ARHGEF33: variants seen among roughly 807,000 people sequenced by gnomAD.
ARHGEF33 encodes Rho guanine nucleotide exchange factor 33.
A neutral mutation model predicts 101.9 loss-of-function variants in ARHGEF33; 72 were observed. The ratio of observed to expected loss-of-function variants is 0.71; its 90% CI spans 0.58 to 0.86. ARHGEF33 has a LOEUF of 0.86. Ranked by LOEUF, ARHGEF33 falls within the 40% of genes least tolerant of loss-of-function variation. ARHGEF33 has a pLI of 0.00. For synonymous variants in ARHGEF33, 499 were observed against 442.5 expected, an observed-to-expected ratio of 1.13 and a Z score of -1.60; for missense variants, 1,169 against 1,111.3, an observed-to-expected ratio of 1.05 and a Z score of -0.74.
chr2:38,913,782 AT>A (rs1471547391), intron 2 of ARHGEF33, among the ~76,000 whole-genome samples: 7 of 152,022 alleles, frequency 4.6e-5, no homozygotes, highest in Non-Finnish European at 7.4e-5. Flanking sequence ...AAAAAAAAAA[AT>A]AAAAAGAATA....
At chr2:38,959,227 A>T (rs1667850113) in intron 15 of ARHGEF33, 1 of 152,222 alleles carries the variant, frequency 6.6e-6, no homozygotes, top group African/African-American at 2.4e-5. Context: ...ATCGAGTGAC[A>T]GCTTTTACAT....
intron 13 of ARHGEF33, among the ~76,000 whole-genome samples, chr2:38,955,520 G>GC (rs1667718890): frequency 8.9e-6 from 1 of 112,724 alleles, no homozygotes; most frequent in Non-Finnish European, 1.7e-5. Flanking sequence ...TCAGGGTCTG[G>GC]CTCTGTTGCT....
chr2:38,955,481 CTTTTTTTTT>C (rs3085350), intron 13 of ARHGEF33, among the ~76,000 whole-genome samples: 11 of 71,186 alleles, frequency 1.5e-4, no homozygotes, highest in East Asian at 1.0e-3. Context: ...ATTGAAAAGA[CTTTTTTTTT>C]TTTTTTTTTT....
In ARHGEF33 at chr2:38,918,115, G is replaced by T. The variant is rs1666675277; in HGVS notation, c.-85-1248G>T. 2.6e-5 allele frequency among the ~76,000 whole-genome samples: 4 copies of T among 152,326 alleles called. No individual in the cohort carries two copies. The South Asian group carries it at 8.3e-4, about 32-fold the overall frequency. On this transcript the variant is annotated intron_variant, in intron 2 of 17. Coordinates refer to ENST00000409978, the MANE Select transcript of ARHGEF33 (RefSeq NM_001145451.5). Reference sequence around the variant, plus strand: ...GGACAGCTCATGGAATTGCTGGGAGGCTGGAGAATCGAGTTTGGGATTCTA... The same window carrying T: ...GGACAGCTCATGGAATTGCTGGGAGTCTGGAGAATCGAGTTTGGGATTCTA...
At chr2:38,950,506 A>G (rs1667571581) in intron 10 of ARHGEF33, among the ~76,000 whole-genome samples, 1 of 152,110 alleles carries the variant, frequency 6.6e-6, no homozygotes, top group African/African-American at 2.4e-5. Flanking sequence ...GGCTGGGGTG[A>G]AGTGGCGTGA....
Position 38,921,261 on chromosome 2 carries a change from T to A in ARHGEF33, c.26-113T>A, listed in dbSNP as rs1482689024. On this transcript the variant is annotated intron_variant, in intron 3 of 17. Coordinates refer to ENST00000409978, the MANE Select transcript of ARHGEF33 (RefSeq NM_001145451.5). The stretch of plus-strand genomic sequence containing the variant: ...TTCCCCTGGAATCATTGGTTTCTTG[T>A]CGTGCGGGCACAAATGTAGGATCCT... The A allele has an allele frequency of 1.0e-5, 7 of 687,330 alleles. No individual in the cohort carries two copies. In the Admixed American group the frequency reaches 1.2e-4, roughly 11 times the overall value. 42.6% of individuals were successfully genotyped at this position (687,330 alleles called of 1,614,324 possible).
chr2:38,973,734 G>T lies in ARHGEF33; in HGVS notation c.2504G>T (p.Arg835Met). 6.5e-7 allele frequency: 1 copy of T among 1,541,982 alleles called. No individual in the cohort carries two copies. Among genetic ancestry groups the T allele is most frequent in the Non-Finnish European group, 8.8e-7 (1 of 1,142,768 alleles). The part of the protein sequence containing the change: ...FKKKSSGSEY[R>M]EKTNENPSMD... Reference sequence around the variant, plus strand: ...TTTAGGTCCAGTGGATCAGAATACAGGGAAAAAACTAATGAGAATCCCTCA... The same window carrying T: ...TTTAGGTCCAGTGGATCAGAATACATGGAAAAAACTAATGAGAATCCCTCA... Residue 835 changes from arginine to methionine, a missense_variant, in exon 18 of 18, where the codon AGG (arginine) becomes ATG (methionine). Physicochemically the swap from Arg to Met is moderately conservative, Grantham distance 91. Transcript: ENST00000409978.
At position 38,954,110 on chromosome 2, in the gene ARHGEF33, G is replaced by A. The variant is rs558368451; in HGVS notation, c.1138-263G>A. Among the ~76,000 whole-genome samples, 6 of 152,312 alleles carry A rather than the reference G, an allele frequency of 3.9e-5. No homozygotes were observed. In the East Asian group the frequency reaches 5.8e-4, roughly 15 times the overall value. On this transcript the variant is annotated intron_variant, in intron 12 of 17. Transcript: ENST00000409978. ...AGTGCCCGCTTCTGTCTGGAACTGC[G>A]CTGAGTGGAAGGAGAGGGTAGTTTG...
rs192365234 is a variant in ARHGEF33, at chr2:38,934,653, G to A, written c.506-1122G>A. On this transcript the variant is annotated intron_variant, in intron 7 of 17. Coordinates refer to ENST00000409978, the MANE Select transcript of ARHGEF33 (RefSeq NM_001145451.5). ...TCTCCCTCCCTCCCCCCTCTCTCCC[G>A]CTTCTCTCCCTCCCTCCCCCCTCTC... is the stretch of plus-strand genomic sequence containing the variant. 2.1e-3 allele frequency among the ~76,000 whole-genome samples: 72 copies of A among 33,756 alleles called. 2 individuals are homozygous for A. The East Asian group carries it at 0.046, about 22-fold the overall frequency. The allele number at this position is 33,756 out of a possible 152,430, so 22.1% of individuals were successfully genotyped here. A position where few individuals can be genotyped will look rare whatever the true frequency, so the allele number is the denominator to read the frequency against.
At chr2:38,894,099 A>G (rs778049830) in intron 1 of ARHGEF33, among the ~76,000 whole-genome samples, 4 of 152,198 alleles carry the variant, frequency 2.6e-5, no homozygotes, top group Non-Finnish European at 4.4e-5. Flanking sequence ...CACTGGGATC[A>G]TTTCAGCCCA....
At chr2:38,910,397 C>T (rs1376451243) in intron 2 of ARHGEF33, among the ~76,000 whole-genome samples, 1 of 152,062 alleles carries the variant, frequency 6.6e-6, no homozygotes, top group Non-Finnish European at 1.5e-5. Context: ...ACGGTGAAAC[C>T]CCGTCTCTAC....
At chr2:38,927,264 A>T (rs1379274521) in intron 4 of ARHGEF33, among the ~76,000 whole-genome samples, 1 of 152,226 alleles carries the variant, frequency 6.6e-6, no homozygotes, top group East Asian at 1.9e-4. Context: ...ATAGGAGACA[A>T]AGTCACTGTA....
intron 15 of ARHGEF33, among the ~76,000 whole-genome samples, chr2:38,958,593 A>G (rs562771197): frequency 6.6e-6 from 1 of 152,392 alleles, no homozygotes; most frequent in South Asian, 2.1e-4. Context: ...AAGTTAAAAG[A>G]GAATTCAAAT....
intron 7 of ARHGEF33, among the ~76,000 whole-genome samples, chr2:38,935,363 G>A (rs147555179): frequency 1.1e-4 from 17 of 150,130 alleles, no homozygotes; most frequent in South Asian, 2.1e-4. Flanking sequence ...GGGTTTTTTT[G>A]GGGGGAGGGG....
chr2:38,914,945 T>C (rs75776022), intron 2 of ARHGEF33, among the ~76,000 whole-genome samples: 1 of 149,742 alleles, frequency 6.7e-6, no homozygotes, highest in African/African-American at 2.4e-5. Flanking sequence ...TAATGGTCCA[T>C]TTTTTTTTTA....
In ARHGEF33 at chr2:38,907,949, C is replaced by G. The variant is rs144059167; in HGVS notation, c.-85-11414C>G. ...TCATGACTCACTGCAGCCTTGACCTCCTGGGCTCAAGTGATCCTCCCACCT... is the reference window on the plus strand; with the variant it reads ...TCATGACTCACTGCAGCCTTGACCTGCTGGGCTCAAGTGATCCTCCCACCT... On this transcript the variant is annotated intron_variant, in intron 2 of 17. Transcript: ENST00000409978. Among the ~76,000 whole-genome samples, 6 of 151,396 alleles carry G rather than the reference C, an allele frequency of 4.0e-5. No homozygotes were observed. The East Asian group carries it at 1.2e-3, about 29-fold the overall frequency.
chr2:38,890,647 GT>G (rs1236092982), intron 1 of ARHGEF33, among the ~76,000 whole-genome samples: 1 of 152,128 alleles, frequency 6.6e-6, no homozygotes, highest in East Asian at 1.9e-4. Context: ...AATTATGTGA[GT>G]TTTTATATGC....
intron 15 of ARHGEF33, 191 bp from the exon 16 acceptor site, chr2:38,959,650 G>C (rs894227820): frequency 6.8e-6 from 4 of 589,714 alleles, no homozygotes; most frequent in Non-Finnish European, 1.2e-5. Flanking sequence ...GCCTCCGCTC[G>C]ACGGACTGCC....
chr2:38,962,342 A>G (rs1164422961), intron 16 of ARHGEF33, among the ~76,000 whole-genome samples: 3 of 152,240 alleles, frequency 2.0e-5, no homozygotes, highest in African/African-American at 7.2e-5. Flanking sequence ...TTTATTTCGT[A>G]TGTAATAACA....
Sources: allele counts gnomAD v4.1 joint callset (sites outside exome capture counted in the v4.1 genomes callset), GRCh38; gene constraint gnomAD v4.1.1; transcripts MANE v1.5; gene names NCBI Gene and HGNC (gene_info 2026-07-23, HGNC 2026-07-21).